FAM240B: variants seen among roughly 807,000 people sequenced by gnomAD.
The protein encoded by FAM240B is protein FAM240B.
intron 2 of FAM240B, among the ~76,000 whole-genome samples, chr9:38,698,163 A>G (rs939867746): frequency 2.0e-5 from 3 of 152,226 alleles, no homozygotes; most frequent in Non-Finnish European, 2.9e-5. Context: ...TGATGGACAA[A>G]ATGTTAACAT....
At chr9:38,715,509 C>A (rs1821295924) in intron 1 of FAM240B, among the ~76,000 whole-genome samples, 1 of 152,200 alleles carries the variant, frequency 6.6e-6, no homozygotes, top group Admixed American at 6.5e-5. Flanking sequence ...GGCTCTGTGG[C>A]AAATTCTTGA....
intron 1 of FAM240B, among the ~76,000 whole-genome samples, chr9:38,717,010 C>G (rs1821310641): frequency 6.6e-6 from 1 of 152,136 alleles, no homozygotes; most frequent in African/African-American, 2.4e-5. Context: ...TGAGGCACCC[C>G]AGAGAGGCAG....
At chr9:38,702,774 T>C (rs574576985) in intron 2 of FAM240B, among the ~76,000 whole-genome samples, 2 of 152,172 alleles carry the variant, frequency 1.3e-5, no homozygotes, top group East Asian at 3.9e-4. Context: ...AGATGAGGGA[T>C]CTTTTTATTA....
At chr9:38,716,355 C>G (rs1821302751) in intron 1 of FAM240B, among the ~76,000 whole-genome samples, 1 of 152,112 alleles carries the variant, frequency 6.6e-6, no homozygotes, top group Admixed American at 6.5e-5. Context: ...GCCTGTAATC[C>G]CAGCTACTCG....
intron 1 of FAM240B, among the ~76,000 whole-genome samples, chr9:38,709,876 C>T (rs936086203): frequency 6.6e-6 from 1 of 152,214 alleles, no homozygotes; most frequent in African/African-American, 2.4e-5. Context: ...GGTGCACACT[C>T]ACGTGCCTTC....
intron 2 of FAM240B, among the ~76,000 whole-genome samples, chr9:38,695,076 G>A (rs1821053323): frequency 1.3e-5 from 2 of 152,154 alleles, no homozygotes; most frequent in African/African-American, 4.8e-5. Context: ...CTATGTTAAG[G>A]GGAGGGAGAG....
chr9:38,709,177 G>A (rs1440643598), intron 1 of FAM240B, among the ~76,000 whole-genome samples: 1 of 152,156 alleles, frequency 6.6e-6, no homozygotes, highest in African/African-American at 2.4e-5. Context: ...CAGCCTCACT[G>A]CTTGTTTTGC....
chr9:38,707,838 G>T (rs1038413820), intron 1 of FAM240B, among the ~76,000 whole-genome samples: 3 of 151,558 alleles, frequency 2.0e-5, no homozygotes, highest in South Asian at 2.1e-4. Context: ...AGGAAATCAG[G>T]CTATGAAGTA....
At chr9:38,714,985 G>A (rs535387585) in intron 1 of FAM240B, among the ~76,000 whole-genome samples, 11 of 152,224 alleles carry the variant, frequency 7.2e-5, no homozygotes, top group Non-Finnish European at 1.5e-4. Context: ...CCATGGCTAC[G>A]TAAGATGTTA....
intron 1 of FAM240B, among the ~76,000 whole-genome samples, chr9:38,711,659 CT>C (rs71365908): frequency 0.24 from 32,689 of 137,060 alleles, 3,334 homozygotes; most frequent in East Asian, 0.29. Context: ...CTTTCTTCTT[CT>C]TTTTTTTTTT....
chr9:38,719,802 T>C (rs1191315477), intron 1 of FAM240B, among the ~76,000 whole-genome samples: 1 of 152,314 alleles, frequency 6.6e-6, no homozygotes, highest in Non-Finnish European at 1.5e-5. Context: ...TTCTGCATCA[T>C]TGACATTTAG....
At chr9:38,700,545 A>G (rs188065523) in intron 2 of FAM240B, among the ~76,000 whole-genome samples, 216 of 152,372 alleles carry the variant, frequency 1.4e-3, no homozygotes, top group Non-Finnish European at 2.5e-3. Flanking sequence ...AAACTGAGAT[A>G]CTTTTGAAAA....
chr9:38,709,814 T>A (rs1203641890), intron 1 of FAM240B, among the ~76,000 whole-genome samples: 1 of 152,210 alleles, frequency 6.6e-6, no homozygotes, highest in Non-Finnish European at 1.5e-5. Context: ...AACTCAGGTG[T>A]CTCCATTCTA....
intron 1 of FAM240B, among the ~76,000 whole-genome samples, chr9:38,709,315 G>A (rs1821225815): frequency 1.3e-5 from 2 of 152,142 alleles, no homozygotes; most frequent in Admixed American, 6.5e-5. Context: ...TATATTTATT[G>A]CTCCCATTTA....
chr9:38,697,625 A>G (rs886922969), intron 2 of FAM240B, among the ~76,000 whole-genome samples: 9 of 152,230 alleles, frequency 5.9e-5, no homozygotes, highest in African/African-American at 2.2e-4. Flanking sequence ...AATTATATAA[A>G]CTTATAATTA....
chr9:38,705,755 C>T (rs537635902), intron 1 of FAM240B, among the ~76,000 whole-genome samples: 30 of 152,308 alleles, frequency 2.0e-4, no homozygotes, highest in African/African-American at 6.7e-4. Context: ...AAGGGAACAG[C>T]ATGTGTAAGT....
At chr9:38,695,767 ACT>A (rs1821062181) in intron 2 of FAM240B, among the ~76,000 whole-genome samples, 1 of 152,222 alleles carries the variant, frequency 6.6e-6, no homozygotes, top group African/African-American at 2.4e-5. Flanking sequence ...TTTGAAGAAC[ACT>A]GTTGAAGGAC....
chr9:38,699,474 G>T (rs1821099743), intron 2 of FAM240B, among the ~76,000 whole-genome samples: 1 of 152,210 alleles, frequency 6.6e-6, no homozygotes, highest in Non-Finnish European at 1.5e-5. Context: ...TGTGAAAAGA[G>T]AGGGGGGAAG....
chr9:38,696,930 T>G (rs1457291662), intron 2 of FAM240B, among the ~76,000 whole-genome samples: 1 of 152,246 alleles, frequency 6.6e-6, no homozygotes, highest in East Asian at 1.9e-4. Flanking sequence ...ATTTATCCCA[T>G]ATTTTAATTT....
Sources: allele counts gnomAD v4.1 joint callset (sites outside exome capture counted in the v4.1 genomes callset), GRCh38; gene constraint gnomAD v4.1.1; transcripts MANE v1.5; gene names NCBI Gene and HGNC (gene_info 2026-07-23, HGNC 2026-07-21).